Variants in GALP observed in about 807,000 individuals in gnomAD.
GALP encodes the protein galanin like peptide, also known as galanin-like peptide.
Under a neutral mutation model 15.2 loss-of-function variants are expected in GALP, and 12 were observed. The observed-to-expected ratio is 0.79, with a 90% CI of 0.51 to 1.28. The LOEUF is 1.28. Among genes scored for constraint, GALP ranks in the 50% most tolerant of loss-of-function variants. The pLI is 0.00. For synonymous variants in GALP, 58 were observed against 55.1 expected (o/e 1.05, Z -0.23); for missense variants, 161 against 145.6 (o/e 1.11, Z -0.55).
chr19:56,177,291 T>C, intron 2 of GALP, 96 bp downstream of exon 2: 1 of 1,004,860 alleles, frequency 1.0e-6, no homozygotes, highest in Non-Finnish European at 1.5e-6. Flanking sequence ...GTGTCAAGGG[T>C]CCTGGGGAAG....
intron 2 of GALP, 69 bp from the exon 3 acceptor site, chr19:56,180,517 C>T (rs560128807): frequency 8.2e-6 from 11 of 1,344,416 alleles, no homozygotes; most frequent in Non-Finnish European, 1.1e-5. Flanking sequence ...ACCCACATCA[C>T]CCCGGACCTG....
chr19:56,180,568 T>C lies in GALP; in HGVS notation c.88-18T>C. The C allele has an allele frequency of 6.2e-7, 1 of 1,612,794 alleles. No homozygotes were observed. Among genetic ancestry groups the C allele is most frequent in the South Asian group, 1.1e-5 (1 of 91,034 alleles). ...GCTTTCTGTCTGCTTGAGTCTTGAT[T>C]TCTGCATCTCTATCCAGGGACGAGG... On this transcript the variant is annotated intron_variant, in intron 2 of 5. Transcript: ENST00000357330.
chr19:56,180,520 C>G, intron 2 of GALP, 66 bp from the exon 3 acceptor site: 1 of 1,366,254 alleles, frequency 7.3e-7, no homozygotes, highest in Non-Finnish European at 1.0e-6. Flanking sequence ...CACATCACCC[C>G]GGACCTGTGG....
intron 2 of GALP, among the ~76,000 whole-genome samples, chr19:56,178,304 A>G (rs1434983889): frequency 6.6e-6 from 1 of 151,702 alleles, no homozygotes; most frequent in Non-Finnish European, 1.5e-5. Flanking sequence ...CATCTCTTAA[A>G]AAAAAAAAAT....
chr19:56,180,457 G>C, intron 2 of GALP, 129 bp from the exon 3 acceptor site: 1 of 740,926 alleles, frequency 1.3e-6, no homozygotes, highest in Non-Finnish European at 2.4e-6. Context: ...TCGGTGCAAT[G>C]GGGATTGAAA....
intron 4 of GALP, 61 bp downstream of exon 4, chr19:56,182,313 C>A: frequency 7.9e-7 from 1 of 1,260,620 alleles, no homozygotes; most frequent in Non-Finnish European, 1.2e-6. Flanking sequence ...TCTCTCCTGG[C>A]TTTGGAAACT....
chr19:56,181,148 G>T (rs746857889), intron 3 of GALP, among the ~76,000 whole-genome samples: 1 of 151,360 alleles, frequency 6.6e-6, no homozygotes, highest in Non-Finnish European at 1.5e-5. Flanking sequence ...GTCTGGTCTC[G>T]AACTCCTGAC....
intron 2 of GALP, among the ~76,000 whole-genome samples, chr19:56,179,203 A>C (rs1299663178): frequency 6.6e-6 from 1 of 152,052 alleles, no homozygotes; most frequent in African/African-American, 2.4e-5. Flanking sequence ...AAATAAATAA[A>C]TAAAGAGTCT....
intron 2 of GALP, among the ~76,000 whole-genome samples, chr19:56,177,510 CAAAAAA>C (rs35564874): frequency 1.4e-5 from 1 of 73,772 alleles, no homozygotes; most frequent in Non-Finnish European, 3.0e-5. Flanking sequence ...GACTCCATCT[CAAAAAA>C]AAAAAAAAAA....
At chr19:56,182,621 G>A (rs1205672833) in intron 4 of GALP, among the ~76,000 whole-genome samples, 5 of 152,154 alleles carry the variant, frequency 3.3e-5, no homozygotes, top group African/African-American at 1.2e-4. Context: ...CTGGCATATG[G>A]TAGAAATGGA....
At chr19:56,185,137 C>G in intron 5 of GALP, 78 bp from the exon 6 acceptor site, 1 of 945,892 alleles carries the variant, frequency 1.1e-6, no homozygotes, top group Non-Finnish European at 1.7e-6. Flanking sequence ...CCAATCTCTA[C>G]TAAACATACA....
intron 3 of GALP, among the ~76,000 whole-genome samples, chr19:56,181,650 C>T (rs1043100226): frequency 1.3e-5 from 2 of 151,872 alleles, no homozygotes; most frequent in African/African-American, 2.4e-5. Flanking sequence ...TCAGGTGATC[C>T]GCCCGCCTCA....
At chr19:56,176,659 T>C (rs1565014) in intron 1 of GALP, among the ~76,000 whole-genome samples, 152 of 70,186 alleles carry the variant, frequency 2.2e-3, no homozygotes, top group East Asian at 0.01. Flanking sequence ...CAAGCTGCAC[T>C]GGGGTGAGAG....
At chr19:56,181,988 A>G (rs1487231712) in intron 3 of GALP, among the ~76,000 whole-genome samples, 184 bp from the exon 4 acceptor site, 1 of 152,144 alleles carries the variant, frequency 6.6e-6, no homozygotes, top group Non-Finnish European at 1.5e-5. Context: ...AATTTCGAGC[A>G]AGTGACCGCT....
intron 2 of GALP, among the ~76,000 whole-genome samples, chr19:56,177,610 C>T (rs1305688809): frequency 1.7e-4 from 26 of 152,114 alleles, no homozygotes; most frequent in Admixed American, 1.7e-3. Flanking sequence ...CCCGCCTTGG[C>T]CTCCCAAAGT....
chr19:56,183,012 C>A, intron 4 of GALP, 123 bp from the exon 5 acceptor site: 1 of 688,824 alleles, frequency 1.5e-6, no homozygotes, highest in Non-Finnish European at 2.6e-6. Flanking sequence ...CCTCCTCCCC[C>A]TGCTCCACCC....
chr19:56,184,678 T>G (rs1599932134), intron 5 of GALP, among the ~76,000 whole-genome samples: 1 of 150,992 alleles, frequency 6.6e-6, no homozygotes, highest in Non-Finnish European at 1.5e-5. Flanking sequence ...AGAGACGGGG[T>G]TTCACCATGT....
In GALP at chr19:56,185,145, A is replaced by G. The variant is rs2032633529; in HGVS notation, c.296-70A>G. 6 of 1,022,338 alleles carry G rather than the reference A, an allele frequency of 5.9e-6. No individual in the cohort carries two copies. The Admixed American group carries it at 1.1e-4, about 18-fold the overall frequency. 63.3% of individuals were successfully genotyped at this position (1,022,338 alleles called of 1,614,324 possible). A position where few individuals can be genotyped will look rare whatever the true frequency, so the allele number is the denominator to read the frequency against. On this transcript the variant is annotated intron_variant, in intron 5 of 5. Coordinates refer to ENST00000357330, the MANE Select transcript of GALP (RefSeq NM_033106.4). ...GTGAAACCCAATCTCTACTAAACAT[A>G]CAAAAATTAGCTGGGTGGGGAGTGA...
chr19:56,180,636 T>A lies in GALP; in HGVS notation c.136+2T>A, dbSNP rs778963645. The stretch of plus-strand genomic sequence containing the variant: ...GTGCTGGCTACCTTCTGGGTCCCGG[T>A]GAGTGAGGCTGCGCTCAGCTCTCCA... On this transcript the variant is annotated splice_donor_variant, in intron 3 of 5. Transcript: ENST00000357330. LOFTEE classifies it high-confidence loss of function. 6.2e-7 allele frequency: 1 copy of A among 1,613,340 alleles called. No homozygotes were observed. Among genetic ancestry groups the A allele is most frequent in the Non-Finnish European group, 8.5e-7 (1 of 1,179,402 alleles).
Sources: allele counts gnomAD v4.1 joint callset (sites outside exome capture counted in the v4.1 genomes callset), GRCh38; gene constraint gnomAD v4.1.1; transcripts MANE v1.5; gene names NCBI Gene and HGNC (gene_info 2026-07-23, HGNC 2026-07-21).